Variants in PCDHB6 observed in about 807,000 individuals in gnomAD.
PCDHB6 encodes protocadherin beta 6.
For synonymous variants in PCDHB6, 506 were observed against 459.0 expected, an observed-to-expected ratio of 1.10 and a Z score of -1.31; for missense variants, 1,137 against 1,010.1, an observed-to-expected ratio of 1.13 and a Z score of -1.70.
rs144860035 is a variant in PCDHB6 at position 141,151,629 on chromosome 5, G to C, written c.1372G>C (p.Val458Leu). The C allele has an allele frequency of 5.9e-5, 95 of 1,613,614 alleles. No homozygotes were observed. The African/African-American group carries it at 7.6e-4, about 13-fold the overall frequency. ...AFTQTSYTLF[V>L]RENNSPALHI... ...CACCCAAACCTCCTACACCCTGTTC[G>C]TCCGCGAGAACAACAGCCCCGCCCT... Residue 458 changes from valine (V) to leucine (L), a missense_variant, in exon 1 of 1, where the codon GTC becomes CTC. By Grantham distance (32) the Val-to-Leu change is conservative. Coordinates refer to ENST00000231136, the MANE Select transcript of PCDHB6 (RefSeq NM_018939.4).
rs1374507815 is a variant in PCDHB6, at chr5:141,150,333, G to A, written c.76G>A (p.Gly26Ser). ...TTTATTGATGCTTTGGGGAGAGGTG[G>A]GTTCTGAATCGATTCAGTATTCCGT... The part of the protein sequence containing the change: ...FILLMLWGEV[G>S]SESIQYSVLE... The change falls in exon 1 of 1, where the codon GGT (glycine) becomes AGT (serine). Residue 26 changes from glycine to serine, a missense_variant. Coordinates refer to ENST00000231136, the MANE Select transcript of PCDHB6 (RefSeq NM_018939.4). The A allele has an allele frequency of 4.3e-6, 7 of 1,614,194 alleles. No homozygotes were observed. Among genetic ancestry groups the A allele is most frequent in the Non-Finnish European group, 5.9e-6 (7 of 1,180,040 alleles).
At position 141,151,560 on chromosome 5, in the gene PCDHB6, A is replaced by G; in HGVS notation, c.1303A>G (p.Ile435Val). 1.2e-6 allele frequency: 2 copies of G among 1,614,150 alleles called. No individual in the cohort carries two copies. Among genetic ancestry groups the G allele is most frequent in the South Asian group, 2.2e-5 (2 of 91,086 alleles). ...GTPRLKTQQS[I>V]TVQVSDVNDN... ...ACCAAGGCTGAAAACCCAGCAGAGC[A>G]TAACTGTGCAGGTCTCCGACGTCAA... The change falls in exon 1 of 1, where the codon ATA becomes GTA. Residue 435 changes from isoleucine to valine, a missense_variant. Coordinates refer to ENST00000231136, the MANE Select transcript of PCDHB6 (RefSeq NM_018939.4).
chr5:141,152,256 C>A lies in PCDHB6; in HGVS notation c.1999C>A (p.Pro667Thr), dbSNP rs546885437. The A allele has an allele frequency of 1.9e-6, 3 of 1,607,688 alleles. No individual in the cohort carries two copies. The highest frequency in any genetic ancestry group is 1.3e-5 in the African/African-American group (1 of 74,940). ...HVLLVDGFSQ[P>T]YLPLPEAAPA... is the part of the protein sequence containing the mutation. ...GCTCCTGGTGGACGGCTTCTCCCAG[C>A]CCTACCTGCCTCTCCCTGAGGCGGC... is the stretch of plus-strand genomic sequence containing the variant. Residue 667 changes from proline to threonine, a missense_variant, in exon 1 of 1, where the codon CCC becomes ACC. Transcript: ENST00000231136.
In PCDHB6 at chr5:141,150,491, A is replaced by G; in HGVS notation, c.234A>G (p.Pro78=). 6.2e-7 allele frequency: 1 copy of G among 1,614,150 alleles called. No homozygotes were observed. Among genetic ancestry groups the G allele is most frequent in the Non-Finnish European group, 8.5e-7 (1 of 1,180,030 alleles). Residue 78 remains proline, a synonymous_variant, in exon 1 of 1, where the codon CCA becomes CCG. Coordinates refer to ENST00000231136, the MANE Select transcript of PCDHB6 (RefSeq NM_018939.4). Reference sequence around the variant, plus strand: ...ACAGACAACATTTGCAGTTTGATCCACAGACCCATGATTTACTGCTAAATG... The same window carrying G: ...ACAGACAACATTTGCAGTTTGATCCGCAGACCCATGATTTACTGCTAAATG... ...KGNRQHLQFD[P]QTHDLLLNEK...
Position 141,152,241 on chromosome 5 carries a change from G to T in PCDHB6, c.1984G>T (p.Asp662Tyr), listed in dbSNP as rs782712059. The T allele has an allele frequency of 1.2e-6, 2 of 1,607,372 alleles. No homozygotes were observed. The highest frequency in any genetic ancestry group is 2.2e-5 in the East Asian group (1 of 44,872). ...ATATLHVLLV[D>Y]GFSQPYLPLP... ...CGCCACGCTGCACGTGCTCCTGGTG[G>T]ACGGCTTCTCCCAGCCCTACCTGCC... Residue 662 changes from aspartate (D) to tyrosine (Y), a missense_variant, in exon 1 of 1, where the codon GAC becomes TAC. Physicochemically the swap from Asp to Tyr is radical, Grantham distance 160. Transcript: ENST00000231136.
chr5:141,152,113 A>G lies in PCDHB6; in HGVS notation c.1856A>G (p.Asn619Ser), dbSNP rs376238982. 6.2e-7 allele frequency: 1 copy of G among 1,607,094 alleles called. No individual in the cohort carries two copies. The highest frequency in any genetic ancestry group is 1.3e-5 in the African/African-American group (1 of 74,920). The change falls in exon 1 of 1, where the codon AAT (asparagine) becomes AGT (serine). Residue 619 changes from asparagine to serine, a missense_variant. Coordinates refer to ENST00000231136, the MANE Select transcript of PCDHB6 (RefSeq NM_018939.4). Reference sequence around the variant, plus strand: ...GGTCTGTTCGGCGTGTGGGCGCACAATGGCGAGGTGCGCACCGCCAGGCTG... The same window carrying G: ...GGTCTGTTCGGCGTGTGGGCGCACAGTGGCGAGGTGCGCACCGCCAGGCTG... Reference protein sequence around the residue: ...ELGLFGVWAHNGEVRTARLLS... With the variant: ...ELGLFGVWAHSGEVRTARLLS...
Position 141,151,276 on chromosome 5 carries a change from A to C in PCDHB6, c.1019A>C (p.Asp340Ala). Reference protein sequence around the residue: ...SLVVRVLDVNDNAPELTMSFF... With the variant: ...SLVVRVLDVNANAPELTMSFF... The stretch of plus-strand genomic sequence containing the variant: ...GTCGTCAGGGTCCTGGACGTGAATG[A>C]CAATGCCCCTGAACTCACCATGTCG... The change falls in exon 1 of 1, where the codon GAC becomes GCC. Residue 340 changes from aspartate (D) to alanine (A), a missense_variant. By Grantham distance (126) the Asp-to-Ala change is moderately radical (BLOSUM62 -2). Transcript: ENST00000231136. The C allele has an allele frequency of 1.9e-6, 3 of 1,614,186 alleles. No homozygotes were observed. Among genetic ancestry groups the C allele is most frequent in the Non-Finnish European group, 2.5e-6 (3 of 1,180,046 alleles).
Position 141,150,797 on chromosome 5 carries a change from C to G in PCDHB6, c.540C>G (p.Leu180=), listed in dbSNP as rs1588333575. The G allele has an allele frequency of 1.2e-6, 2 of 1,614,246 alleles. No individual in the cohort carries two copies. The highest frequency in any genetic ancestry group is 2.2e-5 in the South Asian group (2 of 91,082). The change falls in exon 1 of 1, where the codon CTC becomes CTG. Residue 180 remains leucine, a synonymous_variant. Coordinates refer to ENST00000231136, the MANE Select transcript of PCDHB6 (RefSeq NM_018939.4). ...TISSNPHFHV[L]TRNRSEGRKF... is the part of the protein sequence containing the mutation. ...GCTCCAACCCTCACTTCCACGTTCT[C>G]ACCCGCAATCGCAGCGAAGGCAGGA...
Position 141,150,569 on chromosome 5 carries a change from T to C in PCDHB6, c.312T>C (p.Pro104=), listed in dbSNP as rs1554277450. ...LCGSTEPCVL[P]FQVLLENPLQ... The stretch of plus-strand genomic sequence containing the variant: ...GCTCCACTGAGCCGTGTGTGCTACC[T>C]TTCCAAGTGTTACTGGAAAACCCCT... Residue 104 remains proline, a synonymous_variant, in exon 1 of 1, where the codon CCT becomes CCC. Coordinates refer to ENST00000231136, the MANE Select transcript of PCDHB6 (RefSeq NM_018939.4). The C allele has an allele frequency of 6.2e-7, 1 of 1,614,086 alleles. No individual in the cohort carries two copies. The highest frequency in any genetic ancestry group is 1.3e-5 in the African/African-American group (1 of 74,924).
Position 141,152,040 on chromosome 5 carries a change from G to T in PCDHB6, c.1783G>T (p.Gly595Cys). 1 of 1,607,562 alleles carries T rather than the reference G, an allele frequency of 6.2e-7. No individual in the cohort carries two copies. The highest frequency in any genetic ancestry group is 8.5e-7 in the Non-Finnish European group (1 of 1,179,440). Residue 595 changes from glycine (G) to cysteine (C), a missense_variant, in exon 1 of 1, where the codon GGC becomes TGC. Transcript: ENST00000231136. ...GGTGGTGGCGGTGGACGGCGACTCG[G>T]GCCAGAACGCCTGGCTGTCGTACCA... ...TKVVAVDGDSGQNAWLSYQLL... is the reference protein window; with the variant it reads ...TKVVAVDGDSCQNAWLSYQLL...
At position 141,153,270 on chromosome 5, in the gene PCDHB6, T is replaced by C. The variant is rs1752933556; in HGVS notation, c.*628T>C. 1 of 164,508 alleles carries C rather than the reference T, an allele frequency of 6.1e-6. No individual in the cohort carries two copies. 10.2% of individuals were successfully genotyped at this position (164,508 alleles called of 1,614,324 possible). A position where few individuals can be genotyped will look rare whatever the true frequency, so the allele number is the denominator to read the frequency against. On this transcript the variant is annotated 3_prime_UTR_variant, in exon 1 of 1. Coordinates refer to ENST00000231136, the MANE Select transcript of PCDHB6 (RefSeq NM_018939.4). ...GCCAATTATAAGTGCTTAATAAATA[T>C]TTGCTGAATGTTACTAACATTCTAG...
Position 141,151,271 on chromosome 5 carries a change from G to A in PCDHB6, c.1014G>A (p.Val338=). 1 of 1,613,922 alleles carries A rather than the reference G, an allele frequency of 6.2e-7. No homozygotes were observed. The highest frequency in any genetic ancestry group is 8.5e-7 in the Non-Finnish European group (1 of 1,179,980). ...CTTTAGTCGTCAGGGTCCTGGACGT[G>A]AATGACAATGCCCCTGAACTCACCA... is the stretch of plus-strand genomic sequence containing the variant. The part of the protein sequence containing the change: ...KCSLVVRVLD[V]NDNAPELTMS... The change falls in exon 1 of 1, where the codon GTG becomes GTA. Residue 338 remains valine (V), a synonymous_variant. Coordinates refer to ENST00000231136, the MANE Select transcript of PCDHB6 (RefSeq NM_018939.4).
rs1554278127 is a variant in PCDHB6, at chr5:141,152,998, G to A, written c.*356G>A. 1 of 176,204 alleles carries A rather than the reference G, an allele frequency of 5.7e-6. No homozygotes were observed. The highest frequency in any genetic ancestry group is 2.5e-5 in the African/African-American group (1 of 40,788). 10.9% of individuals were successfully genotyped at this position (176,204 alleles called of 1,614,324 possible). A position where few individuals can be genotyped will look rare whatever the true frequency, so the allele number is the denominator to read the frequency against. ...ATTGCTATGTAGGACTGTTTAAAAT[G>A]TGAGTATCTGATATTATTTAATCCT... On this transcript the variant is annotated 3_prime_UTR_variant, in exon 1 of 1. Coordinates refer to ENST00000231136, the MANE Select transcript of PCDHB6 (RefSeq NM_018939.4).
chr5:141,150,740 C>T lies in PCDHB6; in HGVS notation c.483C>T (p.Thr161=), dbSNP rs781921726. The T allele has an allele frequency of 3.7e-6, 6 of 1,614,136 alleles. No homozygotes were observed. The highest frequency in any genetic ancestry group is 5.1e-6 in the Non-Finnish European group (6 of 1,180,022). Residue 161 remains threonine, a synonymous_variant, in exon 1 of 1, where the codon ACC becomes ACT. Coordinates refer to ENST00000231136, the MANE Select transcript of PCDHB6 (RefSeq NM_018939.4). The part of the protein sequence containing the change: ...FPLKMAHDLD[T]GSNGLQRYTI... ...TGAAAATGGCACACGATTTAGACAC[C>T]GGCAGCAACGGCCTTCAGAGGTACA...
Position 141,150,808 on chromosome 5 carries a change from G to T in PCDHB6, c.551G>T (p.Arg184Leu), listed in dbSNP as rs371005143. 11 of 1,613,994 alleles carry T rather than the reference G, an allele frequency of 6.8e-6. No individual in the cohort carries two copies. In the African/African-American group the frequency reaches 1.2e-4, roughly 18 times the overall value. The change falls in exon 1 of 1, where the codon CGC becomes CTC. Residue 184 changes from arginine (R) to leucine (L), a missense_variant. Transcript: ENST00000231136. Reference protein sequence around the residue: ...NPHFHVLTRNRSEGRKFPELV... With the variant: ...NPHFHVLTRNLSEGRKFPELV... ...CACTTCCACGTTCTCACCCGCAATC[G>T]CAGCGAAGGCAGGAAGTTCCCGGAG... is the stretch of plus-strand genomic sequence containing the variant.
chr5:141,151,392 G>A lies in PCDHB6; in HGVS notation c.1135G>A (p.Val379Ile), dbSNP rs78429888. Residue 379 changes from valine to isoleucine, a missense_variant, in exon 1 of 1, where the codon GTT (valine) becomes ATT (isoleucine). Coordinates refer to ENST00000231136, the MANE Select transcript of PCDHB6 (RefSeq NM_018939.4). ...TGCAGACTCTGGACATAACCAACAG[G>A]TTATTTGTTCAATAGAGAACAATCT... is the stretch of plus-strand genomic sequence containing the variant. ...SDADSGHNQQ[V>I]ICSIENNLPF... The A allele has an allele frequency of 2.3e-3, 3,746 of 1,614,094 alleles. 6 individuals carry two copies. Among genetic ancestry groups the A allele is most frequent in the Non-Finnish European group, 2.7e-3 (3,199 of 1,180,024 alleles).
Position 141,151,224 on chromosome 5 carries a change from G to A in PCDHB6, c.967G>A (p.Gly323Arg). The A allele has an allele frequency of 3.7e-6, 6 of 1,614,170 alleles. No homozygotes were observed. Among genetic ancestry groups the A allele is most frequent in the Non-Finnish European group, 5.1e-6 (6 of 1,180,032 alleles). ...CGTGGATGTTGAGGCTACAGATGGT[G>A]GAGGCCTATCAGGAAAATGCTCTTT... ...YDVDVEATDG[G>R]GLSGKCSLVV... Residue 323 changes from glycine (G) to arginine (R), a missense_variant, in exon 1 of 1, where the codon GGA becomes AGA. Physicochemically the swap from Gly to Arg is moderately radical, Grantham distance 125 (BLOSUM62 -2). Transcript: ENST00000231136.
In PCDHB6 at chr5:141,151,342, CA is replaced by C. The variant is rs782296049; in HGVS notation, c.1086del (p.Val363TrpfsTer21). 15 of 1,614,176 alleles carry C rather than the reference CA, an allele frequency of 9.3e-6. No individual in the cohort carries two copies. The highest frequency in any genetic ancestry group is 1.3e-5 in the Non-Finnish European group (15 of 1,180,038). On this transcript the variant is annotated frameshift_variant, in exon 1 of 1. Transcript: ENST00000231136. LOFTEE classifies it low-confidence loss of function (END_TRUNC). ...ATCCCAGAAAACTTACCAGAGATCA[CA>C]GTGGCAGTTTTCAGTGTTTCAGATG... ...SLIPENLPEI[T>X]VAVFSVSDAD...
chr5:141,152,556 C>A lies in PCDHB6; in HGVS notation c.2299C>A (p.Pro767Thr), dbSNP rs138549166. 111 of 1,614,018 alleles carry A rather than the reference C, an allele frequency of 6.9e-5. No homozygotes were observed. Among genetic ancestry groups the A allele is most frequent in the Middle Eastern group, 1.6e-4 (1 of 6,062 alleles). ...AACAAATGAGTTCAAGTTCCTGAAG[C>A]CGATTATGCCCAACTTCCCTCCTCA... ...SETNEFKFLKPIMPNFPPQGT... is the reference protein window; with the variant it reads ...SETNEFKFLKTIMPNFPPQGT... The change falls in exon 1 of 1, where the codon CCG (proline) becomes ACG (threonine). Residue 767 changes from proline to threonine, a missense_variant. Physicochemically the swap from Pro to Thr is conservative, Grantham distance 38. Transcript: ENST00000231136.
Sources: allele counts gnomAD v4.1 joint callset, GRCh38; gene constraint gnomAD v4.1.1; transcripts MANE v1.5; gene names NCBI Gene and HGNC (gene_info 2026-07-23, HGNC 2026-07-21).